The following RABGAP1L variants were observed in gnomAD, a reference collection of about 807,000 sequenced individuals.
The protein encoded by RABGAP1L is rab GTPase-activating protein 1-like.
In RABGAP1L, 63 loss-of-function variants were observed where a neutral mutation model predicts 137.7. The observed-to-expected ratio is 0.46, with a 90% confidence interval of 0.37 to 0.56. RABGAP1L has a LOEUF of 0.56. Ranked by LOEUF, RABGAP1L falls within the 20% of genes least tolerant of loss-of-function variation. The pLI is 0.00. For synonymous variants in RABGAP1L, 431 were observed against 433.7 expected (o/e 0.99, Z 0.08); for missense variants, 1,095 against 1,244.0 (o/e 0.88, Z 1.80).
At chr1:174,231,465 A>T (rs1670643706) in intron 4 of RABGAP1L, 110 bp downstream of exon 4, 1 of 972,808 alleles carries the variant, frequency 1.0e-6, no homozygotes, top group Admixed American at 1.9e-5. Flanking sequence ...CACTGTAGAC[A>T]TGCAGAGTAA....
At chr1:174,533,864 G>A (rs1003551755) in intron 13 of RABGAP1L, among the ~76,000 whole-genome samples, 13 of 152,012 alleles carry the variant, frequency 8.6e-5, no homozygotes, top group Non-Finnish European at 1.6e-4. Context: ...TAGAGATGAG[G>A]TTTCATTATG....
intron 19 of RABGAP1L, among the ~76,000 whole-genome samples, chr1:174,938,149 C>G (rs1438621589): frequency 6.6e-6 from 1 of 152,124 alleles, no homozygotes; most frequent in Non-Finnish European, 1.5e-5. Context: ...CAAATTCCAG[C>G]CTGTCCTTTT....
chr1:174,243,001 A>T (rs1352601500), intron 5 of RABGAP1L: 1 of 152,206 alleles, frequency 6.6e-6, no homozygotes, highest in Non-Finnish European at 1.5e-5. Context: ...AGCAGATGGT[A>T]GAATCCTGGC....
At chr1:174,616,095 C>T (rs1485388773) in intron 13 of RABGAP1L, among the ~76,000 whole-genome samples, 2 of 152,248 alleles carry the variant, frequency 1.3e-5, no homozygotes, top group African/African-American at 2.4e-5. Context: ...CTGTCCTGTG[C>T]CCACTGTCTG....
At chr1:174,612,876 T>G (rs1671400192) in intron 13 of RABGAP1L, among the ~76,000 whole-genome samples, 1 of 152,088 alleles carries the variant, frequency 6.6e-6, no homozygotes, top group Non-Finnish European at 1.5e-5. Flanking sequence ...GATGGTAGTT[T>G]GTATTTCTGT....
intron 13 of RABGAP1L, among the ~76,000 whole-genome samples, chr1:174,431,158 T>TA (rs1409008861): frequency 6.6e-6 from 1 of 152,186 alleles, no homozygotes; most frequent in East Asian, 1.9e-4. Flanking sequence ...TCTGTTTTCA[T>TA]ACAATTTTAG....
At chr1:174,886,417 G>A (rs1378613941) in intron 19 of RABGAP1L, among the ~76,000 whole-genome samples, 1 of 152,186 alleles carries the variant, frequency 6.6e-6, no homozygotes, top group African/African-American at 2.4e-5. Flanking sequence ...TTTACAAACA[G>A]GATTTACAGC....
intron 17 of RABGAP1L, among the ~76,000 whole-genome samples, chr1:174,739,955 C>G (rs1683249147): frequency 1.3e-5 from 2 of 152,236 alleles, no homozygotes; most frequent in South Asian, 4.1e-4. Flanking sequence ...CAGAAAGATG[C>G]TAGATCCCCT....
rs1346985259 is a variant in RABGAP1L, at chr1:174,702,199, T to C, written c.2112T>C (p.Phe704=). 6.2e-7 allele frequency: 1 copy of C among 1,612,704 alleles called. No individual in the cohort carries two copies. Among genetic ancestry groups the C allele is most frequent in the Admixed American group, 1.7e-5 (1 of 59,864 alleles). ...MYASQWFLTL[F]TAKFPLCMVF... is the part of the protein sequence containing the mutation. Reference sequence around the variant, plus strand: ...CATCCCAGTGGTTTCTCACTCTTTTTACTGCCAAGTTCCCACTCTGCATGG... The same window carrying C: ...CATCCCAGTGGTTTCTCACTCTTTTCACTGCCAAGTTCCCACTCTGCATGG... The change falls in exon 17 of 26, where the codon TTT becomes TTC. Residue 704 remains phenylalanine, a synonymous_variant. Coordinates refer to ENST00000681986, the MANE Select transcript of RABGAP1L (RefSeq NM_001366446.1).
chr1:174,225,616 A>G (rs1670111927), intron 3 of RABGAP1L, among the ~76,000 whole-genome samples: 1 of 150,058 alleles, frequency 6.7e-6, no homozygotes, highest in African/African-American at 2.5e-5. Flanking sequence ...GTGCTTCTTC[A>G]GTCTGTTCCA....
chr1:174,405,297 G>A (rs955023055), intron 13 of RABGAP1L, among the ~76,000 whole-genome samples: 3 of 152,012 alleles, frequency 2.0e-5, no homozygotes, highest in African/African-American at 7.2e-5. Context: ...TTCTTTACAT[G>A]GTTTACTTTT....
At chr1:174,515,629 A>G (rs566200416) in intron 13 of RABGAP1L, among the ~76,000 whole-genome samples, 2 of 152,262 alleles carry the variant, frequency 1.3e-5, no homozygotes, top group East Asian at 3.9e-4. Flanking sequence ...TATTGCTACA[A>G]CCATACTTAC....
chr1:174,279,050 A>G (rs1675260939), intron 10 of RABGAP1L, among the ~76,000 whole-genome samples: 2 of 152,204 alleles, frequency 1.3e-5, no homozygotes, highest in African/African-American at 2.4e-5. Context: ...CTGCATATAA[A>G]ACAACGTTTC....
intron 1 of RABGAP1L, among the ~76,000 whole-genome samples, chr1:174,176,445 C>T (rs1312865850): frequency 6.6e-6 from 1 of 151,616 alleles, no homozygotes; most frequent in Non-Finnish European, 1.5e-5. Context: ...CATGGTGGCT[C>T]ACGCCTGTAA....
chr1:174,795,927 C>T (rs1688207547), intron 18 of RABGAP1L, among the ~76,000 whole-genome samples: 1 of 152,118 alleles, frequency 6.6e-6, no homozygotes, highest in African/African-American at 2.4e-5. Flanking sequence ...TGAGTTTCTC[C>T]CATGTGTGTG....
rs1425837024 is a variant in RABGAP1L at position 174,791,169 on chromosome 1, T to G, written c.2212-20663T>G. On this transcript the variant is annotated intron_variant, in intron 18 of 25. Coordinates refer to ENST00000681986, the MANE Select transcript of RABGAP1L (RefSeq NM_001366446.1). ...TCGTGCCATTGCACTCCAGCCTGGG[T>G]GAAGAAGAGAGACTCCATCTCAAAA... Among the ~76,000 whole-genome samples the G allele has an allele frequency of 4.8e-5, 7 of 146,566 alleles. No individual in the cohort carries two copies. The East Asian group carries it at 1.4e-3, about 29-fold the overall frequency.
chr1:174,584,452 G>T (rs1388839394), intron 13 of RABGAP1L, among the ~76,000 whole-genome samples: 1 of 152,156 alleles, frequency 6.6e-6, no homozygotes, highest in African/African-American at 2.4e-5. Context: ...CTTGGGTCAG[G>T]CACAGTGTCT....
intron 17 of RABGAP1L, among the ~76,000 whole-genome samples, chr1:174,730,289 C>T (rs1345240387): frequency 2.0e-5 from 3 of 152,100 alleles, no homozygotes; most frequent in Non-Finnish European, 4.4e-5. Context: ...ACAATAGACA[C>T]TGGAACAACT....
chr1:174,439,334 A>G (rs1653857668), intron 13 of RABGAP1L, among the ~76,000 whole-genome samples: 1 of 152,166 alleles, frequency 6.6e-6, no homozygotes, highest in Admixed American at 6.5e-5. Context: ...TGACAACATG[A>G]AATTGTTTTC....
Sources: allele counts gnomAD v4.1 joint callset (sites outside exome capture counted in the v4.1 genomes callset), GRCh38; gene constraint gnomAD v4.1.1; transcripts MANE v1.5; gene names NCBI Gene and HGNC (gene_info 2026-07-23, HGNC 2026-07-21).